The following GGACT variants were observed in gnomAD, a reference collection of about 807,000 sequenced individuals.
GGACT encodes gamma-glutamylamine cyclotransferase, also known as gamma-glutamylaminecyclotransferase.
For missense variants in GGACT, 241 were observed against 233.2 expected (o/e 1.03, Z -0.22); for synonymous variants, 118 against 115.3 (o/e 1.02, Z -0.15).
chr13:100,563,763 A>T (rs2088785865), intron 2 of GGACT, among the ~76,000 whole-genome samples: 1 of 152,278 alleles, frequency 6.6e-6, no homozygotes, highest in Admixed American at 6.5e-5. Context: ...CATAAGGAAC[A>T]GGAAAGAGAA....
At chr13:100,575,489 G>T (rs889604602) in intron 2 of GGACT, among the ~76,000 whole-genome samples, 1 of 152,032 alleles carries the variant, frequency 6.6e-6, no homozygotes, top group African/African-American at 2.4e-5. Context: ...TTTTAATAAG[G>T]AAAAAGGTAT....
intron 2 of GGACT, among the ~76,000 whole-genome samples, chr13:100,550,804 T>C (rs1186192840): frequency 6.6e-6 from 1 of 152,190 alleles, no homozygotes; most frequent in Non-Finnish European, 1.5e-5. Flanking sequence ...AGCCGCTTTG[T>C]TTTTCATTAT....
At chr13:100,585,062 G>C (rs1305266961) in intron 1 of GGACT, among the ~76,000 whole-genome samples, 1 of 152,186 alleles carries the variant, frequency 6.6e-6, no homozygotes, top group African/African-American at 2.4e-5. Flanking sequence ...TAAGCCTCTA[G>C]ATCTAACTTC....
chr13:100,532,365 C>A lies in GGACT; in HGVS notation c.227G>T (p.Arg76Leu). ...GCAACTCTCGAAGTCATCCAGAAAG[C>A]GCAGCATCCGCTCGTCTACCGCGTA... ...EVYAVDERML[R>L]FLDDFESCPA... The change falls in exon 3 of 3, where the codon CGC (arginine) becomes CTC (leucine). Residue 76 changes from arginine (R) to leucine (L), a missense_variant. Physicochemically the swap from Arg to Leu is moderately radical, Grantham distance 102. Transcript: ENST00000683975. 6.4e-7 allele frequency: 1 copy of A among 1,550,630 alleles called. No homozygotes were observed.
In GGACT at chr13:100,538,434, A is replaced by C. The variant is rs1302226170; in HGVS notation, c.-10-5833T>G. ...TGTTTTTTAATTTGTGGAGTTTTAA[A>C]AATTGTGATAAAATACACATAACAT... is the stretch of plus-strand genomic sequence containing the variant. On this transcript the variant is annotated intron_variant, in intron 2 of 2. Transcript: ENST00000683975. The C allele has an allele frequency of 2.0e-5, 3 of 152,368 alleles. No homozygotes were observed. The East Asian group carries it at 5.8e-4, about 29-fold the overall frequency. 9.4% of individuals were successfully genotyped at this position (152,368 alleles called of 1,614,324 possible). A position where few individuals can be genotyped will look rare whatever the true frequency, so the allele number is the denominator to read the frequency against.
Position 100,585,073 on chromosome 13 carries a change from T to C in GGACT, c.-183-1076A>G, listed in dbSNP as rs1875527177. 2.0e-5 allele frequency among the ~76,000 whole-genome samples: 3 copies of C among 152,184 alleles called. No individual in the cohort carries two copies. In the South Asian group the frequency reaches 6.2e-4, roughly 32 times the overall value. ...TAATTAAGCCTCTAGATCTAACTTC[T>C]AGTTTACAGGAAATATAGGGGATAG... is the stretch of plus-strand genomic sequence containing the variant. On this transcript the variant is annotated intron_variant, in intron 1 of 2. Transcript: ENST00000683975.
intron 2 of GGACT, among the ~76,000 whole-genome samples, chr13:100,580,875 C>T (rs1011365224): frequency 6.6e-6 from 1 of 152,182 alleles, no homozygotes; most frequent in African/African-American, 2.4e-5. Context: ...TCATAAAAAC[C>T]GGGCTCTCGT....
intron 2 of GGACT, among the ~76,000 whole-genome samples, chr13:100,564,143 G>T (rs207474310): frequency 1.3e-5 from 2 of 152,212 alleles, no homozygotes; most frequent in Non-Finnish European, 1.5e-5. Context: ...TTTAGGAGCT[G>T]GGGGCAGGAA....
At chr13:100,568,338 G>A (rs1874974187) in intron 2 of GGACT, among the ~76,000 whole-genome samples, 1 of 152,204 alleles carries the variant, frequency 6.6e-6, no homozygotes, top group Admixed American at 6.5e-5. Context: ...CATAGCTGAG[G>A]AGGCCTCAGG....
intron 2 of GGACT, among the ~76,000 whole-genome samples, chr13:100,546,653 A>C (rs1231183372): frequency 1.3e-5 from 2 of 152,194 alleles, no homozygotes; most frequent in African/African-American, 4.8e-5. Context: ...CATGGGCCTC[A>C]GAGTGAGACC....
chr13:100,531,921 T>C lies in GGACT; in HGVS notation c.*209A>G. 2.4e-6 allele frequency: 1 copy of C among 424,632 alleles called. No homozygotes were observed. The highest frequency in any genetic ancestry group is 4.1e-6 in the Non-Finnish European group (1 of 242,352). The allele number at this position is 424,632 out of a possible 1,614,324, so 26.3% of individuals were successfully genotyped here. A position where few individuals can be genotyped will look rare whatever the true frequency, so the allele number is the denominator to read the frequency against. ...TTTAGGGGAGTTAAAATCCTAAATT[T>C]TTCTTACCAGGTAGAAAGATGGGAG... On this transcript the variant is annotated 3_prime_UTR_variant, in exon 3 of 3. Coordinates refer to ENST00000683975, the MANE Select transcript of GGACT (RefSeq NM_001195087.2).
At chr13:100,546,481 A>G (rs78266468) in intron 2 of GGACT, among the ~76,000 whole-genome samples, 1 of 138,606 alleles carries the variant, frequency 7.2e-6, no homozygotes, top group Non-Finnish European at 1.6e-5. Context: ...ACATAAACAT[A>G]AAGATGAATG....
rs118142150 is a variant in GGACT, at chr13:100,588,126, G to A, written c.-184+615C>T. ...GAAGCTGTGTTCAAAAAACACTTAA[G>A]TCTGCTTTTGAGCTTGTGGCGTTGT... On this transcript the variant is annotated intron_variant, in intron 1 of 2. Coordinates refer to ENST00000683975, the MANE Select transcript of GGACT (RefSeq NM_001195087.2). Among the ~76,000 whole-genome samples the A allele has an allele frequency of 2.7e-3, 406 of 152,330 alleles. 12 individuals are homozygous for A. In the East Asian group the frequency reaches 0.052, roughly 19 times the overall value.
Position 100,582,745 on chromosome 13 carries a change from A to G in GGACT, c.-11+1080T>C, listed in dbSNP as rs561620812. Among the ~76,000 whole-genome samples, 367 of 152,356 alleles carry G rather than the reference A, an allele frequency of 2.4e-3. 4 individuals carry two copies. Among genetic ancestry groups the G allele is most frequent in the African/African-American group, 8.5e-3 (352 of 41,580 alleles). ...CCTCCAGACAGCTGTTATTATACAC[A>G]TATTTTTAATTAAAAAGTCCAAAAT... is the stretch of plus-strand genomic sequence containing the variant. On this transcript the variant is annotated intron_variant, in intron 2 of 2. Coordinates refer to ENST00000683975, the MANE Select transcript of GGACT (RefSeq NM_001195087.2).
At chr13:100,580,042 G>A (rs1875368939) in intron 2 of GGACT, 1 of 152,204 alleles carries the variant, frequency 6.6e-6, no homozygotes, top group South Asian at 2.1e-4. Context: ...GCTGGGTCTA[G>A]ACCTGATGGG....
At chr13:100,587,774 T>A (rs760029165) in intron 1 of GGACT, among the ~76,000 whole-genome samples, 1 of 152,218 alleles carries the variant, frequency 6.6e-6, no homozygotes, top group Non-Finnish European at 1.5e-5. Flanking sequence ...ATGCCTGTAA[T>A]CCCAACATTT....
In GGACT at chr13:100,530,422, A is replaced by G; in HGVS notation, c.*1708T>C. ...TGTCAAAATTAAATCAATAAAACTG[A>G]GCATTTGTCTAAATATTAGTTTGCC... On this transcript the variant is annotated 3_prime_UTR_variant, in exon 3 of 3. Transcript: ENST00000683975. 1.7e-6 allele frequency: 1 copy of G among 573,414 alleles called. No individual in the cohort carries two copies. The highest frequency in any genetic ancestry group is 3.1e-6 in the Non-Finnish European group (1 of 320,418). The allele number at this position is 573,414 out of a possible 1,614,324, so 35.5% of individuals were successfully genotyped here. A position where few individuals can be genotyped will look rare whatever the true frequency, so the allele number is the denominator to read the frequency against.
chr13:100,536,237 T>G (rs1229168346), intron 2 of GGACT: 4 of 152,182 alleles, frequency 2.6e-5, no homozygotes, highest in Non-Finnish European at 5.9e-5. Context: ...TCTGATGATG[T>G]AGACTCTGTT....
In GGACT at chr13:100,540,068, C is replaced by A. The variant is rs142411669; in HGVS notation, c.-10-7467G>T. The stretch of plus-strand genomic sequence containing the variant: ...ACATACAGCTTGGGAAGCACATAGG[C>A]ATCGAAGACGCTCGCTTCAGAAATG... On this transcript the variant is annotated intron_variant, in intron 2 of 2. Transcript: ENST00000683975. 373 of 1,326,738 alleles carry A rather than the reference C, an allele frequency of 2.8e-4. 1 individual carries two copies. In the African/African-American group the frequency reaches 4.9e-3, roughly 17 times the overall value. 82.2% of individuals were successfully genotyped at this position (1,326,738 alleles called of 1,614,324 possible). A position where few individuals can be genotyped will look rare whatever the true frequency, so the allele number is the denominator to read the frequency against.
Sources: gnomAD v4.1 joint callset for allele counts (sites outside exome capture counted in the v4.1 genomes callset) on GRCh38, gnomAD v4.1.1 for gene constraint, MANE v1.5 for transcripts, NCBI Gene and HGNC (gene_info 2026-07-23, HGNC 2026-07-21) for gene names.